MICU3: variants seen among roughly 807,000 people sequenced by gnomAD.
MICU3 encodes the protein mitochondrial calcium uptake 3.
MICU3 carries 62 observed loss-of-function variants against 66.5 expected under a neutral mutation model. The observed-to-expected ratio is 0.93, with a 90% CI of 0.76 to 1.15. MICU3 has a LOEUF of 1.15. Among genes scored for constraint, MICU3 ranks in the 50% most tolerant of loss-of-function variants. The pLI is 0.00. For missense variants in MICU3, 779 were observed against 664.4 expected (o/e 1.17, Z -1.90); for synonymous variants, 308 against 240.7 (o/e 1.28, Z -2.59).
chr8:17,097,824 A>C (rs553682720), intron 8 of MICU3, among the ~76,000 whole-genome samples: 72 of 151,868 alleles, frequency 4.7e-4, no homozygotes, highest in African/African-American at 1.7e-3. Flanking sequence ...TATCTCCTTC[A>C]GACTACCCTG....
At chr8:17,036,982 C>G (rs10105144) in intron 1 of MICU3, among the ~76,000 whole-genome samples, 11,572 of 152,300 alleles carry the variant, frequency 0.076, 1,531 homozygotes, top group African/African-American at 0.26. Flanking sequence ...AGCTAAGGCT[C>G]GGCGAGAAAT....
At chr8:17,085,574 T>C (rs1231267178) in intron 6 of MICU3, among the ~76,000 whole-genome samples, 1 of 152,124 alleles carries the variant, frequency 6.6e-6, no homozygotes, top group Admixed American at 6.6e-5. Flanking sequence ...TCAGGTGTTT[T>C]CTGTTGGGTG....
chr8:17,056,441 C>T (rs766682186), intron 1 of MICU3, among the ~76,000 whole-genome samples: 29 of 152,182 alleles, frequency 1.9e-4, no homozygotes, highest in African/African-American at 6.8e-4. Flanking sequence ...TGCAGTCCTC[C>T]GTGTAGTGCT....
intron 1 of MICU3, among the ~76,000 whole-genome samples, chr8:17,037,913 T>C (rs1340415254): frequency 6.6e-6 from 1 of 152,134 alleles, no homozygotes; most frequent in Non-Finnish European, 1.5e-5. Flanking sequence ...TCCTGTTGGA[T>C]TTTGGACTGG....
intron 1 of MICU3, among the ~76,000 whole-genome samples, chr8:17,029,673 A>T (rs1436701807): frequency 6.6e-6 from 1 of 151,912 alleles, no homozygotes; most frequent in African/African-American, 2.4e-5. Context: ...GAAAACTTTT[A>T]TGATCTGTTT....
chr8:17,110,953 A>G (rs753088044), intron 11 of MICU3, among the ~76,000 whole-genome samples: 8 of 152,300 alleles, frequency 5.3e-5, no homozygotes, highest in Non-Finnish European at 1.2e-4. Flanking sequence ...AATAATAATA[A>G]TAGTCCATTT....
At chr8:17,092,696 A>G (rs939460466) in intron 8 of MICU3, among the ~76,000 whole-genome samples, 1 of 152,074 alleles carries the variant, frequency 6.6e-6, no homozygotes, top group African/African-American at 2.4e-5. Flanking sequence ...TTCATAAACT[A>G]CAAGCAAACA....
At chr8:17,126,304 A>G (rs769762907), downstream of MICU3, among the ~76,000 whole-genome samples, 5 of 152,106 alleles carry the variant, frequency 3.3e-5, no homozygotes, top group Non-Finnish European at 7.4e-5. Flanking sequence ...TCTATGGTCT[A>G]TGAGTTTATT....
At chr8:17,134,519 C>A in the MICU3 span, among the ~76,000 whole-genome samples, 1 of 151,994 alleles carries the variant, frequency 6.6e-6, no homozygotes, top group South Asian at 2.1e-4. Context: ...ATCTCTGCTC[C>A]CTGCAAGCTC....
intron 1 of MICU3, among the ~76,000 whole-genome samples, chr8:17,055,806 T>C (rs1410470987): frequency 6.6e-6 from 1 of 152,196 alleles, no homozygotes; most frequent in Non-Finnish European, 1.5e-5. Flanking sequence ...ACTTGTGTTG[T>C]GTTGGAGCCA....
At chr8:17,071,019 C>T (rs745970443) in intron 3 of MICU3, among the ~76,000 whole-genome samples, 7 of 152,008 alleles carry the variant, frequency 4.6e-5, no homozygotes, top group African/African-American at 7.2e-5. Context: ...CAGAACAGTG[C>T]GCAACTTAAA....
chr8:17,098,341 A>C, intron 8 of MICU3, 117 bp from the exon 9 acceptor site: 1 of 773,422 alleles, frequency 1.3e-6, no homozygotes, highest in East Asian at 2.4e-5. Flanking sequence ...ACAAACAAAC[A>C]AAAAAAGGTA....
At chr8:17,040,146 G>A (rs1648515746) in intron 1 of MICU3, among the ~76,000 whole-genome samples, 1 of 152,020 alleles carries the variant, frequency 6.6e-6, no homozygotes, top group South Asian at 2.1e-4. Flanking sequence ...GATCTCAGGT[G>A]ATCCGCCCAC....
At chr8:17,119,256 TATTC>T (rs1585584838) in intron 14 of MICU3, among the ~76,000 whole-genome samples, 4 of 152,216 alleles carry the variant, frequency 2.6e-5, no homozygotes, top group Admixed American at 1.3e-4. Flanking sequence ...CATTCTATCT[TATTC>T]ATTTATTACT....
chr8:17,042,719 G>A (rs1434695866), intron 1 of MICU3, among the ~76,000 whole-genome samples: 1 of 151,912 alleles, frequency 6.6e-6, no homozygotes, highest in African/African-American at 2.4e-5. Flanking sequence ...CTAATTAATT[G>A]TCTTCTAACC....
At chr8:17,083,462 G>A (rs1454286940) in intron 5 of MICU3, among the ~76,000 whole-genome samples, 3 of 152,038 alleles carry the variant, frequency 2.0e-5, no homozygotes, top group African/African-American at 7.2e-5. Context: ...GGGAAAGAGC[G>A]CTTATCATCT....
chr8:17,121,686 C>G lies in MICU3; in HGVS notation c.*1399C>G, dbSNP rs983433456. On this transcript the variant is annotated 3_prime_UTR_variant, in exon 15 of 15. Transcript: ENST00000318063. Reference sequence around the variant, plus strand: ...TAAATGTGAAATTGATCTGCATCAGCTTATTTATAAAAGTAATGTTATTTC... The same window carrying G: ...TAAATGTGAAATTGATCTGCATCAGGTTATTTATAAAAGTAATGTTATTTC... 1 of 152,150 alleles carries G rather than the reference C, an allele frequency of 6.6e-6. No individual in the cohort carries two copies. The highest frequency in any genetic ancestry group is 6.6e-5 in the Admixed American group (1 of 15,236). 9.4% of individuals were successfully genotyped at this position (152,150 alleles called of 1,614,324 possible).
At chr8:17,032,158 T>A (rs1812191989) in intron 1 of MICU3, among the ~76,000 whole-genome samples, 1 of 152,234 alleles carries the variant, frequency 6.6e-6, no homozygotes, top group Admixed American at 6.5e-5. Context: ...TGGGACGACT[T>A]CAGTAAAGGT....
chr8:17,028,212 A>G (rs1428656115), intron 1 of MICU3, among the ~76,000 whole-genome samples: 1 of 152,186 alleles, frequency 6.6e-6, no homozygotes, highest in Non-Finnish European at 1.5e-5. Context: ...AAAAGAAATA[A>G]AAAATTGTTC....
Sources: allele counts gnomAD v4.1 joint callset (sites outside exome capture counted in the v4.1 genomes callset), GRCh38; gene constraint gnomAD v4.1.1; transcripts MANE v1.5; gene names NCBI Gene and HGNC (gene_info 2026-07-23, HGNC 2026-07-21).